Variants in WIF1 observed in about 807,000 individuals in gnomAD.
WIF1 encodes Wnt inhibitory factor 1.
A neutral mutation model predicts 53.5 loss-of-function variants in WIF1; 35 were observed. That is an observed-to-expected ratio of 0.65 (90% CI 0.50 to 0.87). WIF1 has a LOEUF of 0.87. Ranked by LOEUF, WIF1 falls within the 40% of genes least tolerant of loss-of-function variation. WIF1 has a pLI of 0.00. For missense variants in WIF1, 467 were observed against 476.8 expected (o/e 0.98, Z 0.19); for synonymous variants, 171 against 170.4 (o/e 1.00, Z -0.03).
chr12:65,075,011 GAATA>G (rs1882840498), intron 3 of WIF1, among the ~76,000 whole-genome samples: 1 of 152,000 alleles, frequency 6.6e-6, no homozygotes, highest in Non-Finnish European at 1.5e-5. Context: ...CACATCTCTA[GAATA>G]GATACTCACG....
intron 2 of WIF1, among the ~76,000 whole-genome samples, chr12:65,118,180 T>C (rs1883540767): frequency 6.6e-6 from 1 of 152,250 alleles, no homozygotes; most frequent in Non-Finnish European, 1.5e-5. Flanking sequence ...TGCCTAAATA[T>C]TTGATATCAT....
intron 2 of WIF1, among the ~76,000 whole-genome samples, chr12:65,084,961 C>T (rs537278344): frequency 1.8e-4 from 27 of 152,236 alleles, no homozygotes; most frequent in Admixed American, 1.2e-3. Flanking sequence ...GTTATCTACC[C>T]GATCTGTGTG....
chr12:65,111,854 T>G (rs1429327850), intron 2 of WIF1, among the ~76,000 whole-genome samples: 6 of 152,202 alleles, frequency 3.9e-5, no homozygotes, highest in African/African-American at 1.4e-4. Context: ...CCACTGTCCC[T>G]TTGTCCCAGG....
intron 2 of WIF1, among the ~76,000 whole-genome samples, chr12:65,103,375 A>G (rs1467732162): frequency 6.6e-6 from 1 of 152,252 alleles, no homozygotes; most frequent in Non-Finnish European, 1.5e-5. Context: ...GCAGAATAAT[A>G]GAACAATGTC....
At position 65,077,863 on chromosome 12, in the gene WIF1, A is replaced by G; in HGVS notation, c.289-9T>C. 6.2e-7 allele frequency: 1 copy of G among 1,601,810 alleles called. No homozygotes were observed. Among genetic ancestry groups the G allele is most frequent in the Non-Finnish European group, 8.6e-7 (1 of 1,169,560 alleles). On this transcript the variant is annotated splice_polypyrimidine_tract_variant and intron_variant, in intron 2 of 9. Transcript: ENST00000286574. The stretch of plus-strand genomic sequence containing the variant: ...TCATAGAAGTATTCTGCCTACAACC[A>G]AAGGCACTGACAGTTAGTAACATGG...
intron 2 of WIF1, among the ~76,000 whole-genome samples, chr12:65,081,373 T>A (rs2136623834): frequency 6.6e-6 from 1 of 152,232 alleles, no homozygotes; most frequent in Non-Finnish European, 1.5e-5. Context: ...ACTGAAAAAA[T>A]TCCATTCGGA....
At chr12:65,079,164 C>CAAAAAAAA (rs1226121849) in intron 2 of WIF1, among the ~76,000 whole-genome samples, 5 of 80,108 alleles carry the variant, frequency 6.2e-5, no homozygotes, top group Admixed American at 1.7e-4. Flanking sequence ...GACTCCATCT[C>CAAAAAAAA]AAAAAAAAAA....
In WIF1 at chr12:65,088,420, A is replaced by G. The variant is rs571558560; in HGVS notation, c.289-10566T>C. Among the ~76,000 whole-genome samples the G allele has an allele frequency of 2.0e-5, 3 of 152,244 alleles. No homozygotes were observed. The South Asian group carries it at 6.2e-4, about 32-fold the overall frequency. Reference sequence around the variant, plus strand: ...TGAGACTGGCCCCATCATTTATGCCATCTGTGCACATGTAAGTATACTAAT... The same window carrying G: ...TGAGACTGGCCCCATCATTTATGCCGTCTGTGCACATGTAAGTATACTAAT... On this transcript the variant is annotated intron_variant, in intron 2 of 9. Transcript: ENST00000286574.
At chr12:65,088,048 C>T (rs1013817205) in intron 2 of WIF1, among the ~76,000 whole-genome samples, 1 of 152,134 alleles carries the variant, frequency 6.6e-6, no homozygotes, top group African/African-American at 2.4e-5. Context: ...ATGCATTATT[C>T]ATTCTGTTTA....
chr12:65,083,819 C>CTT (rs58738826), intron 2 of WIF1: 13,699 of 194,918 alleles, frequency 0.07, 510 homozygotes, highest in African/African-American at 0.22. Flanking sequence ...TTCCTTTCCT[C>CTT]TCCTCTTTTC....
Position 65,067,774 on chromosome 12 carries a change from C to T in WIF1, c.555G>A (p.Gly185=). Residue 185 remains glycine (G), a synonymous_variant, in exon 5 of 10, where the codon GGG becomes GGA. Transcript: ENST00000286574. ...CATTACAAAAGCCTCCATTTCGGCA[C>T]CCGCCTGGGCACTCAGCTTCAGCAG... is the stretch of plus-strand genomic sequence containing the variant. ...KTCQQAECPG[G]CRNGGFCNER... The T allele has an allele frequency of 6.2e-7, 1 of 1,613,196 alleles. No individual in the cohort carries two copies. Among genetic ancestry groups the T allele is most frequent in the Non-Finnish European group, 8.5e-7 (1 of 1,179,390 alleles).
intron 7 of WIF1, among the ~76,000 whole-genome samples, chr12:65,056,366 C>T (rs1190828351): frequency 2.2e-3 from 54 of 24,222 alleles, no homozygotes; most frequent in East Asian, 0.014. Flanking sequence ...CATTTATATC[C>T]TTTTTTTTTT....
At chr12:65,064,179 C>T (rs1460288181) in intron 6 of WIF1, among the ~76,000 whole-genome samples, 8 of 152,238 alleles carry the variant, frequency 5.3e-5, no homozygotes, top group Admixed American at 5.2e-4. Flanking sequence ...CCCGTGGGCA[C>T]TGCCCAATTA....
intron 6 of WIF1, among the ~76,000 whole-genome samples, chr12:65,065,483 T>G (rs1882674211): frequency 6.6e-6 from 1 of 152,148 alleles, no homozygotes; most frequent in Admixed American, 6.6e-5. Flanking sequence ...ATCACATAAC[T>G]GTAGGAAAGT....
chr12:65,090,619 G>C (rs577058969), intron 2 of WIF1, among the ~76,000 whole-genome samples: 19 of 152,244 alleles, frequency 1.2e-4, no homozygotes, highest in African/African-American at 4.3e-4. Context: ...TGCTCAGTGA[G>C]CAGAGGTTAA....
chr12:65,087,520 A>C (rs1245029758), intron 2 of WIF1, among the ~76,000 whole-genome samples: 1 of 152,184 alleles, frequency 6.6e-6, no homozygotes, highest in Non-Finnish European at 1.5e-5. Flanking sequence ...AATATTTAAA[A>C]TTAGGTCATA....
chr12:65,107,343 G>A (rs1268755218), intron 2 of WIF1, among the ~76,000 whole-genome samples: 1 of 152,214 alleles, frequency 6.6e-6, no homozygotes, highest in Non-Finnish European at 1.5e-5. Context: ...GAGATGTCCT[G>A]TCCTGGCACA....
chr12:65,092,482 A>G (rs992519750), intron 2 of WIF1, among the ~76,000 whole-genome samples: 6 of 101,780 alleles, frequency 5.9e-5, no homozygotes, highest in Admixed American at 5.0e-4. Flanking sequence ...GTGTGTGTGT[A>G]TATATATGTG....
At chr12:65,053,457 C>T (rs920708640) in intron 9 of WIF1, among the ~76,000 whole-genome samples, 11 of 152,128 alleles carry the variant, frequency 7.2e-5, no homozygotes, top group African/African-American at 1.2e-4. Context: ...TGATAGTGAG[C>T]GAGTTCTCAC....
Sources: gnomAD v4.1 joint callset for allele counts (sites outside exome capture counted in the v4.1 genomes callset) on GRCh38, gnomAD v4.1.1 for gene constraint, MANE v1.5 for transcripts, NCBI Gene and HGNC (gene_info 2026-07-23, HGNC 2026-07-21) for gene names.